Variants in NECTIN2 observed in about 807,000 individuals in gnomAD.
NECTIN2 encodes nectin-2.
In NECTIN2, 23 loss-of-function variants were observed where a neutral mutation model predicts 56.9. The observed-to-expected ratio is 0.40, with a 90% CI of 0.29 to 0.57. The LOEUF is 0.57. Among genes scored for constraint, NECTIN2 ranks in the 20% least tolerant of loss-of-function variants. NECTIN2 has a pLI of 0.38. For synonymous variants in NECTIN2, 302 were observed against 313.8 expected (o/e 0.96, Z 0.40); for missense variants, 587 against 718.3 (o/e 0.82, Z 2.09).
Position 44,871,773 on chromosome 19 carries a change from A to C in NECTIN2, c.479-80A>C, listed in dbSNP as rs1227720704. On this transcript the variant is annotated intron_variant, in intron 2 of 8. Coordinates refer to ENST00000252483, the MANE Select transcript of NECTIN2 (RefSeq NM_001042724.2). Reference sequence around the variant, plus strand: ...ATTGGAACCCCGGCAGTTAGGGCCTAACCACCCTGCTCCTCTGCTGAGTGT... The same window carrying C: ...ATTGGAACCCCGGCAGTTAGGGCCTCACCACCCTGCTCCTCTGCTGAGTGT... 9.4e-6 allele frequency: 14 copies of C among 1,485,728 alleles called. No homozygotes were observed. The Admixed American group carries it at 1.4e-4, about 15-fold the overall frequency. 92.0% of individuals were successfully genotyped at this position (1,485,728 alleles called of 1,614,324 possible).
intron 1 of NECTIN2, among the ~76,000 whole-genome samples, chr19:44,859,455 G>A (rs545778279): frequency 6.6e-6 from 1 of 152,224 alleles, no homozygotes; most frequent in Admixed American, 6.5e-5. Flanking sequence ...ATGAACTATG[G>A]GCCACTCAGT....
intron 8 of NECTIN2, among the ~76,000 whole-genome samples, chr19:44,886,941 C>T (rs1026965205): frequency 2.0e-5 from 3 of 149,116 alleles, no homozygotes; most frequent in African/African-American, 7.5e-5. Flanking sequence ...CTGAGGTGGG[C>T]GGATTGCTTA....
In NECTIN2 at chr19:44,852,471, TC is replaced by T. The variant is rs1169977044; in HGVS notation, c.88+5861del. On this transcript the variant is annotated intron_variant, in intron 1 of 8. Transcript: ENST00000252483. Reference sequence around the variant, plus strand: ...GAGACATGGTAGCCACCACCTGTAATCCCAGCTACTCAGGAGGCTGAGGCAG... The same window carrying T: ...GAGACATGGTAGCCACCACCTGTAATCCAGCTACTCAGGAGGCTGAGGCAG... 2.1e-5 allele frequency among the ~76,000 whole-genome samples: 3 copies of T among 142,878 alleles called. No homozygotes were observed. In the East Asian group the frequency reaches 6.1e-4, roughly 29 times the overall value. The allele number at this position is 142,878 out of a possible 152,430, so 93.7% of individuals were successfully genotyped here.
At chr19:44,882,001 G>T in intron 5 of NECTIN2, 1 of 402,320 alleles carries the variant, frequency 2.5e-6, no homozygotes, top group Non-Finnish European at 4.3e-6. Flanking sequence ...TAGACACTTT[G>T]TATGTTTTGT....
At chr19:44,856,003 T>A (rs934369929) in intron 1 of NECTIN2, among the ~76,000 whole-genome samples, 8 of 152,178 alleles carry the variant, frequency 5.3e-5, no homozygotes, top group African/African-American at 1.7e-4. Context: ...CCTTCCATTT[T>A]AAAATTTTAA....
chr19:44,876,117 G>C (rs1366872293), intron 5 of NECTIN2, among the ~76,000 whole-genome samples: 2 of 152,124 alleles, frequency 1.3e-5, no homozygotes, highest in Non-Finnish European at 2.9e-5. Context: ...AAATTATCCA[G>C]AAAGTCCGTT....
rs1969335753 is a variant in NECTIN2, at chr19:44,884,142, A to G, written c.1196+1778A>G. Among the ~76,000 whole-genome samples, 3 of 151,874 alleles carry G rather than the reference A, an allele frequency of 2.0e-5. No homozygotes were observed. In the South Asian group the frequency reaches 6.2e-4, roughly 32 times the overall value. On this transcript the variant is annotated intron_variant, in intron 6 of 8. Coordinates refer to ENST00000252483, the MANE Select transcript of NECTIN2 (RefSeq NM_001042724.2). The stretch of plus-strand genomic sequence containing the variant: ...AAAGAAAAGAAAAATAGCTCAGAGC[A>G]GTCTGAGGTATGCGAGCTATGCAAA...
chr19:44,881,925 G>A (rs1969312358), intron 5 of NECTIN2: 4 of 280,276 alleles, frequency 1.4e-5, no homozygotes, highest in African/African-American at 8.7e-5. Context: ...TCTGGCATGT[G>A]AGCTATTGTA....
chr19:44,863,862 A>G (rs896235039), intron 1 of NECTIN2, among the ~76,000 whole-genome samples: 2 of 150,128 alleles, frequency 1.3e-5, no homozygotes, highest in South Asian at 2.1e-4. Context: ...AAGAAACTTG[A>G]GAAAAAATGC....
chr19:44,867,040 CAG>C (rs1397684756), intron 2 of NECTIN2, among the ~76,000 whole-genome samples: 8 of 150,926 alleles, frequency 5.3e-5, no homozygotes, highest in Admixed American at 2.0e-4. Flanking sequence ...TTTTTTGAGA[CAG>C]AGTTTTGCTC....
At chr19:44,880,149 A>G (rs1969291800) in intron 5 of NECTIN2, among the ~76,000 whole-genome samples, 1 of 152,048 alleles carries the variant, frequency 6.6e-6, no homozygotes, top group Non-Finnish European at 1.5e-5. Flanking sequence ...CATACTTGTT[A>G]CTTCCTCTGG....
chr19:44,858,471 C>T (rs1345374996), intron 1 of NECTIN2, among the ~76,000 whole-genome samples: 8 of 151,890 alleles, frequency 5.3e-5, no homozygotes, highest in African/African-American at 9.7e-5. Context: ...TACAGGGGCC[C>T]GCCACCACGC....
chr19:44,878,015 C>T lies in NECTIN2; in HGVS notation c.1042+3537C>T, dbSNP rs141860102. Among the ~76,000 whole-genome samples, 881 of 152,058 alleles carry T rather than the reference C, an allele frequency of 5.8e-3. 6 individuals are homozygous for T. The highest frequency in any genetic ancestry group is 0.02 in the African/African-American group (823 of 41,404). On this transcript the variant is annotated intron_variant, in intron 5 of 8. Transcript: ENST00000252483. Reference sequence around the variant, plus strand: ...GTACAAAGTGGTGCTCAGGCTGTAGCGAAGGGCGGAGGGGCTTCTGCTTCC... The same window carrying T: ...GTACAAAGTGGTGCTCAGGCTGTAGTGAAGGGCGGAGGGGCTTCTGCTTCC...
chr19:44,856,106 G>C (rs903814478), intron 1 of NECTIN2, among the ~76,000 whole-genome samples: 1 of 152,182 alleles, frequency 6.6e-6, no homozygotes, highest in Admixed American at 6.5e-5. Flanking sequence ...TTCGAGGCCA[G>C]CCTGGCCAAG....
At chr19:44,878,423 T>C (rs1969267702) in intron 5 of NECTIN2, 1 of 1,579,400 alleles carries the variant, frequency 6.3e-7, no homozygotes, top group African/African-American at 1.3e-5. Flanking sequence ...AGCTCAGGTG[T>C]TGGGAAATGG....
intron 1 of NECTIN2, among the ~76,000 whole-genome samples, chr19:44,850,701 C>A (rs1211293522): frequency 6.6e-6 from 1 of 152,122 alleles, no homozygotes; most frequent in South Asian, 2.1e-4. Flanking sequence ...GTGCAGAAAT[C>A]CAGGCACAGA....
At chr19:44,853,147 T>C (rs1253350937) in intron 1 of NECTIN2, among the ~76,000 whole-genome samples, 1 of 151,416 alleles carries the variant, frequency 6.6e-6, no homozygotes, top group Non-Finnish European at 1.5e-5. Context: ...GGGCCTGAAC[T>C]ATCCTATTCA....
At chr19:44,883,903 T>C (rs1205969268) in intron 6 of NECTIN2, among the ~76,000 whole-genome samples, 1 of 151,904 alleles carries the variant, frequency 6.6e-6, no homozygotes, top group Non-Finnish European at 1.5e-5. Context: ...GTAGATAACT[T>C]GAGCTCAGGA....
chr19:44,875,652 C>G lies in NECTIN2; in HGVS notation c.1042+1174C>G, dbSNP rs1190373033. Reference sequence around the variant, plus strand: ...ACGCAATGTGCAGGCCCCCCAGAAACATGACTGAAGGTGTAGGGACAAACT... The same window carrying G: ...ACGCAATGTGCAGGCCCCCCAGAAAGATGACTGAAGGTGTAGGGACAAACT... On this transcript the variant is annotated intron_variant, in intron 5 of 8. Coordinates refer to ENST00000252483, the MANE Select transcript of NECTIN2 (RefSeq NM_001042724.2). The surrounding 1 kb of genome is among the most constrained non-coding windows in gnomAD (Gnocchi z 4.2). Among the ~76,000 whole-genome samples the G allele has an allele frequency of 6.6e-6, 1 of 152,226 alleles. No homozygotes were observed. The highest frequency in any genetic ancestry group is 2.4e-5 in the African/African-American group (1 of 41,460).
Sources: allele counts gnomAD v4.1 joint callset (sites outside exome capture counted in the v4.1 genomes callset), GRCh38; gene constraint gnomAD v4.1.1; non-coding constraint Gnocchi (gnomAD v3.1); transcripts MANE v1.5; gene names NCBI Gene and HGNC (gene_info 2026-07-23, HGNC 2026-07-21).